Variants in CAPN9 observed in about 807,000 individuals in gnomAD.
CAPN9 encodes the protein calpain-9.
Under a neutral mutation model 92.8 loss-of-function variants are expected in CAPN9, and 81 were observed. That is an observed-to-expected ratio of 0.87 (90% CI 0.73 to 1.05). The LOEUF (loss-of-function observed/expected upper bound fraction) is 1.05. Ranked by LOEUF, CAPN9 falls within the 50% of genes least tolerant of loss-of-function variation. The probability of loss-of-function intolerance (pLI) is 0.00; values close to 1 mark genes in which losing one functional copy is unlikely to be tolerated. For missense variants in CAPN9, 848 were observed against 866.2 expected (o/e 0.98, Z 0.26); for synonymous variants, 304 against 328.0 (o/e 0.93, Z 0.79).
intron 2 of CAPN9, among the ~76,000 whole-genome samples, chr1:230,757,719 C>CAAA (rs35948414): frequency 0.39 from 40,142 of 103,658 alleles, 7,568 homozygotes; most frequent in Non-Finnish European, 0.47. Flanking sequence ...ACATCTCTAT[C>CAAA]AAAAAAAAAA....
intron 2 of CAPN9, among the ~76,000 whole-genome samples, chr1:230,756,146 G>A (rs1665213620): frequency 6.6e-6 from 1 of 152,140 alleles, no homozygotes; most frequent in Non-Finnish European, 1.5e-5. Flanking sequence ...AGCTTGTGTG[G>A]ACCCTGACTT....
intron 1 of CAPN9, among the ~76,000 whole-genome samples, chr1:230,754,652 A>G (rs1665106218): frequency 6.6e-6 from 1 of 151,752 alleles, no homozygotes; most frequent in Non-Finnish European, 1.5e-5. Flanking sequence ...AAAAAAAAAA[A>G]AAAAAATTAA....
intron 3 of CAPN9, 32 bp downstream of exon 3, chr1:230,759,662 C>G: frequency 6.9e-7 from 1 of 1,442,182 alleles, no homozygotes. Flanking sequence ...GTGGGTTTAC[C>G]TCTCTGGGGC....
intron 14 of CAPN9, among the ~76,000 whole-genome samples, chr1:230,791,471 A>C (rs975714549): frequency 6.6e-6 from 1 of 152,258 alleles, no homozygotes. Flanking sequence ...CTGCAAAAAC[A>C]TGATTCCTAA....
At chr1:230,781,046 T>G (rs1034496623) in intron 11 of CAPN9, among the ~76,000 whole-genome samples, 1 of 151,980 alleles carries the variant, frequency 6.6e-6, no homozygotes, top group Non-Finnish European at 1.5e-5. Context: ...TTTTTGTATT[T>G]TTAGTAGAGA....
Position 230,779,141 on chromosome 1 carries a change from G to A in CAPN9, c.1114+8G>A, listed in dbSNP as rs1008646106. 16 of 1,611,552 alleles carry A rather than the reference G, an allele frequency of 9.9e-6. No homozygotes were observed. Among genetic ancestry groups the A allele is most frequent in the African/African-American group, 1.3e-5 (1 of 74,840 alleles). On this transcript the variant is annotated splice_region_variant and intron_variant, in intron 9 of 19. Coordinates refer to ENST00000271971, the MANE Select transcript of CAPN9 (RefSeq NM_006615.3). ...GCTGCCGCAATTTCCTGGGTAGGTA[G>A]GCTGCCTGTCACTCTCTCTGCCACT...
intron 1 of CAPN9, among the ~76,000 whole-genome samples, chr1:230,749,815 T>C (rs1664652172): frequency 6.6e-6 from 1 of 152,194 alleles, no homozygotes; most frequent in African/African-American, 2.4e-5. Flanking sequence ...TGCTGGTCCT[T>C]GTTATTTCTA....
In CAPN9 at chr1:230,786,030, A is replaced by T; in HGVS notation, c.1518+13A>T. ...TGACCTTCCTGAGGTGAGTCTTCTG[A>T]TGTTGCTATGGAGTATGGGATTCAG... On this transcript the variant is annotated intron_variant, in intron 12 of 19. Transcript: ENST00000271971. 6.2e-7 allele frequency: 1 copy of T among 1,613,342 alleles called. No homozygotes were observed. The highest frequency in any genetic ancestry group is 8.5e-7 in the Non-Finnish European group (1 of 1,179,316).
At chr1:230,772,584 A>G (rs1283012076) in intron 7 of CAPN9, among the ~76,000 whole-genome samples, 1 of 152,100 alleles carries the variant, frequency 6.6e-6, no homozygotes, top group African/African-American at 2.4e-5. Flanking sequence ...CCAGCAGAGA[A>G]ATAGAAGTGA....
At chr1:230,758,870 A>G (rs1008522080) in intron 2 of CAPN9, among the ~76,000 whole-genome samples, 1 of 152,204 alleles carries the variant, frequency 6.6e-6, no homozygotes, top group African/African-American at 2.4e-5. Context: ...GGGCAAAGGA[A>G]TGCCTCCAGG....
At chr1:230,759,401 A>G in intron 2 of CAPN9, 111 bp from the exon 3 acceptor site, 2 of 712,488 alleles carry the variant, frequency 2.8e-6, no homozygotes, top group Non-Finnish European at 4.8e-6. Flanking sequence ...TTAAACAGGT[A>G]GAAAAGATGT....
chr1:230,772,129 G>A, intron 7 of CAPN9, 30 bp downstream of exon 7: 1 of 1,591,898 alleles, frequency 6.3e-7, no homozygotes, highest in Non-Finnish European at 8.6e-7. Context: ...CTCTCTGGCT[G>A]GTTCCCGGGG....
chr1:230,758,072 G>C (rs1665369504), intron 2 of CAPN9, among the ~76,000 whole-genome samples: 2 of 152,206 alleles, frequency 1.3e-5, no homozygotes, highest in African/African-American at 4.8e-5. Flanking sequence ...AGGCCCAAGA[G>C]AGAGAAAAGC....
intron 1 of CAPN9, among the ~76,000 whole-genome samples, chr1:230,752,111 A>AACCAGCATACATGTGGAGCATGC (rs1286102750): frequency 6.6e-6 from 1 of 152,186 alleles, no homozygotes; most frequent in African/African-American, 2.4e-5. Flanking sequence ...GTGCACATGC[A>AACCAGCATACATGTGGAGCATGC]ACCAGCATAC....
chr1:230,750,511 A>G (rs1177542992), intron 1 of CAPN9, among the ~76,000 whole-genome samples: 1 of 152,144 alleles, frequency 6.6e-6, no homozygotes, highest in Admixed American at 6.5e-5. Context: ...ATGAGCATGG[A>G]GACTCTTCTT....
At chr1:230,783,207 A>G (rs1667345551) in intron 11 of CAPN9, among the ~76,000 whole-genome samples, 1 of 152,212 alleles carries the variant, frequency 6.6e-6, no homozygotes, top group Non-Finnish European at 1.5e-5. Flanking sequence ...AGGTGCTGCT[A>G]TTCTACAAAA....
intron 17 of CAPN9, among the ~76,000 whole-genome samples, chr1:230,794,361 G>A (rs936393280): frequency 1.1e-4 from 16 of 152,144 alleles, no homozygotes; most frequent in African/African-American, 3.9e-4. Context: ...GGTGCCTGTA[G>A]TCCCAGCTAC....
intron 8 of CAPN9, among the ~76,000 whole-genome samples, chr1:230,777,295 C>G (rs972154069): frequency 2.6e-5 from 4 of 151,722 alleles, no homozygotes; most frequent in African/African-American, 7.3e-5. Flanking sequence ...ATTGCCCTGC[C>G]CCTCTTGAAG....
At chr1:230,787,487 A>C (rs772499649) in intron 12 of CAPN9, 35 bp from the exon 13 acceptor site, 1 of 1,576,320 alleles carries the variant, frequency 6.3e-7, no homozygotes, top group Non-Finnish European at 8.7e-7. Flanking sequence ...TTTTTTGTGG[A>C]TCATTTTGTG....
Sources: allele counts gnomAD v4.1 joint callset (sites outside exome capture counted in the v4.1 genomes callset), GRCh38; gene constraint gnomAD v4.1.1; transcripts MANE v1.5; gene names NCBI Gene and HGNC (gene_info 2026-07-23, HGNC 2026-07-21).